Variants in SYCP1 observed in about 807,000 individuals in gnomAD.
SYCP1 encodes the protein synaptonemal complex protein 1, also known as cancer/testis antigen 8.
SYCP1 carries 64 observed loss-of-function variants against 153.1 expected under a neutral mutation model. That is an observed-to-expected ratio of 0.42 (90% confidence interval 0.34 to 0.51). The LOEUF (loss-of-function observed/expected upper bound fraction) is 0.51. Ranked by LOEUF, SYCP1 falls within the 20% of genes least tolerant of loss-of-function variation. SYCP1 has a pLI of 0.06. For synonymous variants in SYCP1, 384 were observed against 341.8 expected (o/e 1.12, Z -1.36); for missense variants, 997 against 1,049.0 (o/e 0.95, Z 0.68).
At chr1:114,940,378 T>C (rs12755186) in intron 23 of SYCP1, among the ~76,000 whole-genome samples, 31,250 of 152,102 alleles carry the variant, frequency 0.21, 4,140 homozygotes, top group South Asian at 0.35. Flanking sequence ...GTTACAGGTG[T>C]GAGCCACTGT....
chr1:114,965,694 C>G (rs1022458375), intron 27 of SYCP1, among the ~76,000 whole-genome samples: 1 of 151,418 alleles, frequency 6.6e-6, no homozygotes, highest in African/African-American at 2.4e-5. Context: ...CGTTGCATCC[C>G]AGGAATTGAT....
intron 27 of SYCP1, among the ~76,000 whole-genome samples, chr1:114,969,920 T>C (rs1461812743): frequency 1.3e-5 from 2 of 152,168 alleles, no homozygotes; most frequent in East Asian, 1.9e-4. Context: ...TCCCTTGCAC[T>C]TCCCAGGTGA....
chr1:114,879,210 C>CATA (rs947314823), intron 12 of SYCP1, among the ~76,000 whole-genome samples: 1 of 152,092 alleles, frequency 6.6e-6, no homozygotes, highest in African/African-American at 2.4e-5. Context: ...ACTTAGAAGG[C>CATA]ATAGTGTTTG....
At chr1:114,855,391 A>T in intron 1 of SYCP1, 50 bp from the exon 2 acceptor site, 1 of 1,123,712 alleles carries the variant, frequency 8.9e-7, no homozygotes, top group East Asian at 2.4e-5. Context: ...TATTCATGAC[A>T]CTCGGTGAAA....
intron 31 of SYCP1, 39 bp from the exon 32 acceptor site, chr1:114,994,843 T>C (rs763614275): frequency 7.6e-6 from 12 of 1,574,776 alleles, no homozygotes; most frequent in South Asian, 1.2e-5. Context: ...CTTAAAAAAT[T>C]AAACATGTTA....
intron 7 of SYCP1, among the ~76,000 whole-genome samples, chr1:114,860,412 A>T (rs1210955847): frequency 6.6e-6 from 1 of 152,160 alleles, no homozygotes; most frequent in African/African-American, 2.4e-5. Context: ...AGGCAAATCT[A>T]GACCTGTTTA....
At chr1:114,953,911 C>A (rs954271205) in intron 27 of SYCP1, among the ~76,000 whole-genome samples, 1 of 152,098 alleles carries the variant, frequency 6.6e-6, no homozygotes, top group Admixed American at 6.5e-5. Context: ...GTTTTCAAAT[C>A]TATAGCATGG....
intron 16 of SYCP1, among the ~76,000 whole-genome samples, chr1:114,901,304 A>G (rs757277667): frequency 2.6e-5 from 4 of 152,238 alleles, no homozygotes; most frequent in Non-Finnish European, 4.4e-5. Context: ...AAAGGAAAAC[A>G]TAAAGGCCTT....
At chr1:114,981,298 T>C in intron 28 of SYCP1, 38 bp from the exon 29 acceptor site, 1 of 1,433,558 alleles carries the variant, frequency 7.0e-7, no homozygotes, top group Non-Finnish European at 9.5e-7. Flanking sequence ...AATGTGACAT[T>C]TAGTGATGGT....
At chr1:114,876,948 ATTT>A in intron 11 of SYCP1, 138 bp downstream of exon 11, 1 of 378,400 alleles carries the variant, frequency 2.6e-6, no homozygotes, top group Admixed American at 4.9e-5. Flanking sequence ...ATATATTAAT[ATTT>A]AGCCTTTAGA....
intron 8 of SYCP1, among the ~76,000 whole-genome samples, chr1:114,869,731 A>AGAATAT (rs1456872229): frequency 1.3e-5 from 2 of 152,196 alleles, no homozygotes; most frequent in Non-Finnish European, 2.9e-5. Context: ...ATATTCCAAA[A>AGAATAT]TCTAAAAAGA....
At chr1:114,957,488 C>A (rs924096793) in intron 27 of SYCP1, among the ~76,000 whole-genome samples, 2 of 152,048 alleles carry the variant, frequency 1.3e-5, no homozygotes, top group African/African-American at 4.8e-5. Flanking sequence ...AAGGAAACAG[C>A]AAAGTGAGAA....
chr1:114,947,083 T>A (rs1670756739), intron 26 of SYCP1, among the ~76,000 whole-genome samples, 163 bp from the exon 27 acceptor site: 5 of 152,212 alleles, frequency 3.3e-5, no homozygotes, highest in Admixed American at 3.3e-4. Flanking sequence ...TTAGCTATGT[T>A]AAGCTAGCAG....
intron 23 of SYCP1, among the ~76,000 whole-genome samples, chr1:114,941,096 A>T (rs1002813819): frequency 6.6e-6 from 1 of 152,158 alleles, no homozygotes; most frequent in African/African-American, 2.4e-5. Flanking sequence ...GCGCATACTC[A>T]TATCCCCTAG....
At chr1:114,907,991 A>G (rs1667927421) in intron 16 of SYCP1, among the ~76,000 whole-genome samples, 2 of 151,994 alleles carry the variant, frequency 1.3e-5, no homozygotes, top group Admixed American at 1.3e-4. Flanking sequence ...GATCTTTTAT[A>G]TTTATTGCAA....
chr1:114,952,574 G>A (rs1333102377), intron 27 of SYCP1, among the ~76,000 whole-genome samples: 3 of 152,116 alleles, frequency 2.0e-5, no homozygotes. Flanking sequence ...CATGGCAGCA[G>A]GAAGGATAAT....
chr1:114,857,476 A>G lies in SYCP1; in HGVS notation c.270A>G (p.Gly90=), dbSNP rs759545755. Reference sequence around the variant, plus strand: ...ATTCTGACTGTCACTATCAGGAAGGACTAAAAGACTCTGATTTGGAGGTCA... The same window carrying G: ...ATTCTGACTGTCACTATCAGGAAGGGCTAAAAGACTCTGATTTGGAGGTCA... ...VGNSDCHYQE[G]LKDSDLENSE... The change falls in exon 5 of 32, where the codon GGA becomes GGG. Residue 90 remains glycine, a synonymous_variant. Transcript: ENST00000369522. The G allele has an allele frequency of 6.9e-6, 11 of 1,600,002 alleles. No individual in the cohort carries two copies. In the Admixed American group the frequency reaches 1.7e-4, roughly 25 times the overall value.
In SYCP1 at chr1:114,913,853, A is replaced by AT. The variant is rs970146486; in HGVS notation, c.1648-115dup. On this transcript the variant is annotated intron_variant, in intron 19 of 31. Coordinates refer to ENST00000369522, the MANE Select transcript of SYCP1 (RefSeq NM_003176.4). ...TGGAACTATACAAGTTGAAAAGCCC[A>AT]TTTTTTTGCTTTATATATAACTAAA... The AT allele has an allele frequency of 7.3e-5, 48 of 655,586 alleles. No homozygotes were observed. In the Middle Eastern group the frequency reaches 2.3e-3, roughly 32 times the overall value. 40.6% of individuals were successfully genotyped at this position (655,586 alleles called of 1,614,324 possible).
chr1:114,958,579 A>C (rs1169804972), intron 27 of SYCP1, among the ~76,000 whole-genome samples: 2 of 152,068 alleles, frequency 1.3e-5, no homozygotes, highest in Admixed American at 1.3e-4. Context: ...ATTATATATC[A>C]ATAAAAATTA....
Sources: gnomAD v4.1 joint callset for allele counts (sites outside exome capture counted in the v4.1 genomes callset) on GRCh38, gnomAD v4.1.1 for gene constraint, MANE v1.5 for transcripts, NCBI Gene and HGNC (gene_info 2026-07-23, HGNC 2026-07-21) for gene names.